The following PKHD1L1 variants were observed in gnomAD, a reference collection of about 807,000 sequenced individuals.
PKHD1L1 encodes fibrocystin-L.
Under a neutral mutation model 462.9 loss-of-function variants are expected in PKHD1L1, and 434 were observed. The ratio of observed to expected loss-of-function variants is 0.94; its 90% CI spans 0.87 to 1.02. PKHD1L1 has a LOEUF of 1.02. Ranked by LOEUF, PKHD1L1 falls within the 50% of genes least tolerant of loss-of-function variation. The probability of loss-of-function intolerance (pLI) is 0.00; values close to 1 mark genes in which losing one functional copy is unlikely to be tolerated. For missense variants in PKHD1L1, 5,202 were observed against 5,096.1 expected, an observed-to-expected ratio of 1.02 and a Z score of -0.63; for synonymous variants, 1,781 against 1,750.0, an observed-to-expected ratio of 1.02 and a Z score of -0.44.
At chr8:109,471,975 C>T (rs865838749) in intron 50 of PKHD1L1, among the ~76,000 whole-genome samples, 8 of 152,116 alleles carry the variant, frequency 5.3e-5, no homozygotes, top group Admixed American at 3.3e-4. Flanking sequence ...TTTTAAGTAA[C>T]GTGCTCACTG....
chr8:109,443,620 C>G, intron 36 of PKHD1L1, 56 bp from the exon 37 acceptor site: 1 of 1,321,454 alleles, frequency 7.6e-7, no homozygotes, highest in Admixed American at 2.5e-5. Flanking sequence ...AGTTTGAAAA[C>G]AGTTATCATT....
chr8:109,466,451 C>G, intron 49 of PKHD1L1, 127 bp from the exon 50 acceptor site: 1 of 966,842 alleles, frequency 1.0e-6, no homozygotes, highest in Non-Finnish European at 1.4e-6. Context: ...AACAAGCAAA[C>G]AAACAAAACT....
At chr8:109,499,100 T>C (rs542853947) in intron 67 of PKHD1L1, 24 of 209,118 alleles carry the variant, frequency 1.1e-4, no homozygotes, top group African/African-American at 3.0e-4. Flanking sequence ...CTTTTTAAAA[T>C]TGAAGAACCT....
At chr8:109,371,031 G>T (rs1466365227) in intron 2 of PKHD1L1, among the ~76,000 whole-genome samples, 1 of 152,144 alleles carries the variant, frequency 6.6e-6, no homozygotes, top group Non-Finnish European at 1.5e-5. Context: ...CCCAGTAATG[G>T]GATGGCTGGA....
At chr8:109,467,715 G>C (rs1817523666) in intron 50 of PKHD1L1, among the ~76,000 whole-genome samples, 3 of 152,040 alleles carry the variant, frequency 2.0e-5, no homozygotes, top group Admixed American at 2.0e-4. Context: ...AAAATATACT[G>C]TTCTGAGGGA....
intron 17 of PKHD1L1, among the ~76,000 whole-genome samples, chr8:109,407,541 T>C (rs1335394916): frequency 2.0e-5 from 3 of 152,140 alleles, no homozygotes; most frequent in Non-Finnish European, 4.4e-5. Context: ...ACAGGCCTTA[T>C]TCCTCTCAAA....
chr8:109,404,874 G>T, intron 15 of PKHD1L1, 121 bp from the exon 16 acceptor site: 1 of 1,090,738 alleles, frequency 9.2e-7, no homozygotes, highest in Non-Finnish European at 1.3e-6. Context: ...AGCCAAAAAG[G>T]CTGTTACTTG....
At chr8:109,503,944 G>A (rs1172575225) in intron 67 of PKHD1L1, among the ~76,000 whole-genome samples, 1 of 152,174 alleles carries the variant, frequency 6.6e-6, no homozygotes, top group East Asian at 1.9e-4. Flanking sequence ...TGGGGCGATA[G>A]GAGTGATAGA....
intron 18 of PKHD1L1, among the ~76,000 whole-genome samples, chr8:109,409,572 G>T (rs1402770942): frequency 2.0e-5 from 3 of 151,914 alleles, no homozygotes; most frequent in Non-Finnish European, 4.4e-5. Context: ...TTGCTTCATT[G>T]CTCTCTTTAA....
At chr8:109,384,507 T>G (rs903457092) in intron 5 of PKHD1L1, among the ~76,000 whole-genome samples, 1 of 152,046 alleles carries the variant, frequency 6.6e-6, no homozygotes, top group African/African-American at 2.4e-5. Context: ...TGAACTTACA[T>G]GACAGAGCAA....
Position 109,386,486 on chromosome 8 carries a change from A to G in PKHD1L1, c.569+856A>G, listed in dbSNP as rs1812449378. Among the ~76,000 whole-genome samples the G allele has an allele frequency of 2.6e-5, 4 of 152,226 alleles. 1 individual carries two copies. Among genetic ancestry groups the G allele is most frequent in the Admixed American group, 2.6e-4 (4 of 15,280 alleles). On this transcript the variant is annotated intron_variant, in intron 6 of 77. Transcript: ENST00000378402. ...AAAGGTGAGGTATATATACACACAC[A>G]TACAAATACATAATTTTGTAAAACA...
chr8:109,408,625 T>C (rs755460705), intron 18 of PKHD1L1, among the ~76,000 whole-genome samples: 4 of 152,210 alleles, frequency 2.6e-5, no homozygotes, highest in Admixed American at 1.3e-4. Context: ...TATTGATGTA[T>C]TTTTATACAT....
At chr8:109,504,564 T>G in intron 68 of PKHD1L1, 72 bp downstream of exon 68, 1 of 960,944 alleles carries the variant, frequency 1.0e-6, no homozygotes, top group Non-Finnish European at 1.5e-6. Context: ...GCTCAAGATC[T>G]GAGAAAGTTG....
intron 50 of PKHD1L1, among the ~76,000 whole-genome samples, chr8:109,467,069 T>G (rs1409655363): frequency 1.3e-5 from 2 of 152,050 alleles, no homozygotes; most frequent in African/African-American, 4.8e-5. Context: ...TTCCTGCCAC[T>G]CAAAGCAAAT....
chr8:109,389,604 T>C (rs991803118), intron 8 of PKHD1L1, among the ~76,000 whole-genome samples: 1 of 151,516 alleles, frequency 6.6e-6, no homozygotes, highest in African/African-American at 2.4e-5. Context: ...CTTGGCTTAC[T>C]GCAACCTCTG....
intron 77 of PKHD1L1, 73 bp downstream of exon 77, chr8:109,527,093 G>A: frequency 7.9e-7 from 1 of 1,267,924 alleles, no homozygotes; most frequent in East Asian, 2.5e-5. Context: ...AAGGCTGTGT[G>A]CACAGCTCTT....
At chr8:109,505,202 C>T (rs56109503) in intron 68 of PKHD1L1, among the ~76,000 whole-genome samples, 22,862 of 152,038 alleles carry the variant, frequency 0.15, 2,233 homozygotes, top group South Asian at 0.37. Flanking sequence ...TTGTTTGTTT[C>T]TCCAATGACA....
At position 109,385,634 on chromosome 8, in the gene PKHD1L1, A is replaced by G. The variant is rs1812401793; in HGVS notation, c.569+4A>G. 6.5e-7 allele frequency: 1 copy of G among 1,533,102 alleles called. No individual in the cohort carries two copies. Among genetic ancestry groups the G allele is most frequent in the Non-Finnish European group, 9.0e-7 (1 of 1,112,962 alleles). The allele number at this position is 1,533,102 out of a possible 1,614,324, so 95.0% of individuals were successfully genotyped here. A position where few individuals can be genotyped will look rare whatever the true frequency, so the allele number is the denominator to read the frequency against. On this transcript the variant is annotated splice_donor_region_variant and intron_variant, in intron 6 of 77. Coordinates refer to ENST00000378402, the MANE Select transcript of PKHD1L1 (RefSeq NM_177531.6). ...GGAAAAATGTTAGGATTTTGAGGTA[A>G]TCTTTTGATGTGGAAATATATTCTT...
chr8:109,467,392 G>A (rs1673396), intron 50 of PKHD1L1, among the ~76,000 whole-genome samples: 61,264 of 109,370 alleles, frequency 0.56, 13,690 homozygotes, highest in South Asian at 0.69. Context: ...CCCCTGCCCC[G>A]CCCCCCTTCC....
Sources: allele counts gnomAD v4.1 joint callset (sites outside exome capture counted in the v4.1 genomes callset), GRCh38; gene constraint gnomAD v4.1.1; transcripts MANE v1.5; gene names NCBI Gene and HGNC (gene_info 2026-07-23, HGNC 2026-07-21).